Variants in RALYL observed in about 807,000 individuals in gnomAD.
The protein encoded by RALYL is RNA-binding Raly-like protein.
Under a neutral mutation model 35.1 loss-of-function variants are expected in RALYL, and 29 were observed. The ratio of observed to expected loss-of-function variants is 0.83; its 90% CI spans 0.61 to 1.13. The LOEUF (loss-of-function observed/expected upper bound fraction) is 1.13. RALYL is among the 50% of genes most tolerant of loss of function. The pLI, the probability that RALYL is intolerant of heterozygous loss-of-function variation, is 0.00. For synonymous variants in RALYL, 120 were observed against 127.6 expected (o/e 0.94, Z 0.40); for missense variants, 359 against 360.4 (o/e 1.00, Z 0.03).
chr8:84,503,888 C>G (rs900584411), intron 1 of RALYL, among the ~76,000 whole-genome samples: 1 of 151,084 alleles, frequency 6.6e-6, no homozygotes, highest in Non-Finnish European at 1.5e-5. Context: ...GAAAACAAAC[C>G]AAAAATATAG....
chr8:84,736,242 A>G (rs1847291246), intron 2 of RALYL, among the ~76,000 whole-genome samples: 1 of 152,156 alleles, frequency 6.6e-6, no homozygotes, highest in Non-Finnish European at 1.5e-5. Context: ...CACAAAAAGT[A>G]TGGATTAAGC....
Position 84,834,245 on chromosome 8 carries a change from G to A in RALYL, c.366-15735G>A, listed in dbSNP as rs182126953. 1.8e-4 allele frequency among the ~76,000 whole-genome samples: 28 copies of A among 152,290 alleles called. 1 individual carries two copies. In the East Asian group the frequency reaches 5.2e-3, roughly 28 times the overall value. ...GCCTAAACTGGGTTGTGTCAGTCAGGATCTGCAAAAGAATATTGGAATAGA... is the reference window on the plus strand; with the variant it reads ...GCCTAAACTGGGTTGTGTCAGTCAGAATCTGCAAAAGAATATTGGAATAGA... On this transcript the variant is annotated intron_variant, in intron 4 of 8. Coordinates refer to ENST00000521268, the MANE Select transcript of RALYL (RefSeq NM_173848.7).
intron 4 of RALYL, among the ~76,000 whole-genome samples, chr8:84,826,826 G>T (rs1829832331): frequency 6.6e-6 from 1 of 151,616 alleles, no homozygotes; most frequent in Admixed American, 6.6e-5. Flanking sequence ...TTGATGCCTT[G>T]CCCCGAAATA....
intron 1 of RALYL, among the ~76,000 whole-genome samples, chr8:84,361,577 A>G (rs1050749868): frequency 2.6e-5 from 4 of 152,156 alleles, no homozygotes; most frequent in East Asian, 1.9e-4. Context: ...TGAAAAGCCA[A>G]TGGCTGAAGT....
chr8:84,607,771 C>G (rs1200146128), intron 2 of RALYL, among the ~76,000 whole-genome samples: 2 of 152,034 alleles, frequency 1.3e-5, no homozygotes, highest in East Asian at 1.9e-4. Context: ...ATCCTCCGCC[C>G]TTCTTGTCAA....
At chr8:84,738,194 C>G (rs1430992217) in intron 2 of RALYL, among the ~76,000 whole-genome samples, 2 of 151,876 alleles carry the variant, frequency 1.3e-5, no homozygotes, top group African/African-American at 4.8e-5. Flanking sequence ...TTAGGAAAGG[C>G]TGGAGGAGGA....
intron 1 of RALYL, among the ~76,000 whole-genome samples, chr8:84,454,342 ATCTG>A (rs756989423): frequency 0.043 from 6,534 of 152,042 alleles, 166 homozygotes; most frequent in Middle Eastern, 0.078. Flanking sequence ...TTTTTTAAAA[ATCTG>A]GTATCAGGTC....
intron 1 of RALYL, among the ~76,000 whole-genome samples, chr8:84,503,797 G>A (rs115680756): frequency 1.3e-5 from 2 of 151,680 alleles, no homozygotes; most frequent in Admixed American, 1.3e-4. Context: ...CAGGAGAATC[G>A]GCTTGAGTGC....
chr8:84,910,431 C>G (rs1847309483), intron 8 of RALYL, among the ~76,000 whole-genome samples: 2 of 152,016 alleles, frequency 1.3e-5, no homozygotes, highest in African/African-American at 2.4e-5. Context: ...AAAATACAGA[C>G]AGTCACATAA....
At chr8:84,528,799 T>TTA (rs1183678800) in intron 1 of RALYL, among the ~76,000 whole-genome samples, 2 of 152,126 alleles carry the variant, frequency 1.3e-5, no homozygotes, top group Non-Finnish European at 2.9e-5. Context: ...TGGAACAAAT[T>TTA]GTTAGTTTCT....
At chr8:84,407,411 G>A (rs975002912) in intron 1 of RALYL, among the ~76,000 whole-genome samples, 2 of 152,124 alleles carry the variant, frequency 1.3e-5, no homozygotes, top group Non-Finnish European at 2.9e-5. Flanking sequence ...TGCAAAAGTA[G>A]AGACAATGAG....
chr8:84,877,641 C>T (rs1279266282), intron 7 of RALYL, among the ~76,000 whole-genome samples: 1 of 152,098 alleles, frequency 6.6e-6, no homozygotes, highest in Non-Finnish European at 1.5e-5. Context: ...AAATTTTGAT[C>T]ACAGCATCGT....
At chr8:84,778,598 T>G (rs527422881) in intron 3 of RALYL, among the ~76,000 whole-genome samples, 1 of 152,282 alleles carries the variant, frequency 6.6e-6, no homozygotes, top group Admixed American at 6.5e-5. Context: ...ACACTTGAGC[T>G]GACTTTTGAA....
At chr8:84,387,251 T>C (rs902041708) in intron 1 of RALYL, among the ~76,000 whole-genome samples, 1 of 151,850 alleles carries the variant, frequency 6.6e-6, no homozygotes, top group Non-Finnish European at 1.5e-5. Context: ...ATGTATTATC[T>C]GTAATCCGTA....
intron 1 of RALYL, among the ~76,000 whole-genome samples, chr8:84,376,910 C>T (rs1857020832): frequency 6.6e-6 from 1 of 151,700 alleles, no homozygotes; most frequent in Non-Finnish European, 1.5e-5. Flanking sequence ...ACCTGGAATA[C>T]TATATACAAC....
chr8:84,713,846 A>G (rs1450102514), intron 2 of RALYL, among the ~76,000 whole-genome samples: 1 of 151,064 alleles, frequency 6.6e-6, no homozygotes, highest in Non-Finnish European at 1.5e-5. Flanking sequence ...GTCCATCCAC[A>G]GATAGGATAA....
intron 1 of RALYL, among the ~76,000 whole-genome samples, chr8:84,528,837 A>G (rs1238186161): frequency 1.3e-5 from 2 of 152,152 alleles, no homozygotes; most frequent in Admixed American, 1.3e-4. Context: ...GTTGAAATAG[A>G]CAGTATGTCT....
At chr8:84,278,602 A>C (rs1427111898) in intron 1 of RALYL, among the ~76,000 whole-genome samples, 2 of 152,166 alleles carry the variant, frequency 1.3e-5, no homozygotes, top group African/African-American at 4.8e-5. Flanking sequence ...GCCATGTAGA[A>C]ATTTCTTCTA....
At chr8:84,251,193 G>A (rs1043229699) in intron 1 of RALYL, among the ~76,000 whole-genome samples, 2 of 152,032 alleles carry the variant, frequency 1.3e-5, no homozygotes, top group African/African-American at 2.4e-5. Context: ...TAAGAAAACC[G>A]AAGCAGATAA....
Sources: allele counts gnomAD v4.1 joint callset (sites outside exome capture counted in the v4.1 genomes callset), GRCh38; gene constraint gnomAD v4.1.1; transcripts MANE v1.5; gene names NCBI Gene and HGNC (gene_info 2026-07-23, HGNC 2026-07-21).